The following ALOX5 variants were observed in gnomAD, a reference collection of about 807,000 sequenced individuals.
ALOX5 encodes arachidonate 5-lipoxygenase.
ALOX5 carries 64 observed loss-of-function variants against 87.9 expected under a neutral mutation model. The observed-to-expected ratio is 0.73, with a 90% CI of 0.60 to 0.90. ALOX5 has a LOEUF of 0.90. ALOX5 is among the 40% of genes least tolerant of loss of function. The pLI, the probability that ALOX5 is intolerant of heterozygous loss-of-function variation, is 0.00. For missense variants in ALOX5, 822 were observed against 907.5 expected (o/e 0.91, Z 1.21); for synonymous variants, 388 against 355.1 (o/e 1.09, Z -1.04).
At chr10:45,409,493 A>ATC (rs937244051) in intron 3 of ALOX5, among the ~76,000 whole-genome samples, 1 of 136,018 alleles carries the variant, frequency 7.4e-6, no homozygotes, top group Non-Finnish European at 1.6e-5. Flanking sequence ...TCCCCTTAGG[A>ATC]TCTCTCTGTC....
intron 4 of ALOX5, among the ~76,000 whole-genome samples, chr10:45,419,669 G>A (rs1250667986): frequency 6.6e-6 from 1 of 152,244 alleles, no homozygotes; most frequent in Non-Finnish European, 1.5e-5. Flanking sequence ...CGCTTGAGCC[G>A]GGGAGGTGGA....
intron 7 of ALOX5, among the ~76,000 whole-genome samples, chr10:45,429,514 C>A (rs560992440): frequency 6.6e-6 from 1 of 152,198 alleles, no homozygotes; most frequent in Non-Finnish European, 1.5e-5. Context: ...CTGCACAGTC[C>A]GCAATCCCTT....
intron 13 of ALOX5, 80 bp downstream of exon 13, chr10:45,444,366 G>A (rs999931712): frequency 1.4e-6 from 2 of 1,453,876 alleles, no homozygotes; most frequent in South Asian, 1.4e-5. Flanking sequence ...TTGTGACTCG[G>A]GCCCCAAGGC....
At position 45,418,831 on chromosome 10, in the gene ALOX5, T is replaced by C. The variant is rs146669856; in HGVS notation, c.555-5210T>C. Among the ~76,000 whole-genome samples, 731 of 152,282 alleles carry C rather than the reference T, an allele frequency of 4.8e-3. 5 individuals carry two copies. The highest frequency in any genetic ancestry group is 0.017 in the African/African-American group (696 of 41,568). Reference sequence around the variant, plus strand: ...TCGCTGTTTGCAGCCTGGAAGACGATTGCAGGGGGTGGCAGGGCTGAAAAG... The same window carrying C: ...TCGCTGTTTGCAGCCTGGAAGACGACTGCAGGGGGTGGCAGGGCTGAAAAG... On this transcript the variant is annotated intron_variant, in intron 4 of 13. Coordinates refer to ENST00000374391, the MANE Select transcript of ALOX5 (RefSeq NM_000698.5).
chr10:45,430,476 T>G (rs1841870870), intron 7 of ALOX5, among the ~76,000 whole-genome samples: 1 of 148,168 alleles, frequency 6.7e-6, no homozygotes, highest in Non-Finnish European at 1.5e-5. Context: ...ATAAAAAGAG[T>G]AATTATAGCC....
rs556437947 is a variant in ALOX5, at chr10:45,421,815, A to G, written c.555-2226A>G. ...TTCGACAGCTCCAGGGTGCTGTAGC[A>G]CTGAGCACCTACTGTATGCAGCCCA... is the stretch of plus-strand genomic sequence containing the variant. On this transcript the variant is annotated intron_variant, in intron 4 of 13. Transcript: ENST00000374391. 4.6e-5 allele frequency among the ~76,000 whole-genome samples: 7 copies of G among 152,334 alleles called. No individual in the cohort carries two copies. The South Asian group carries it at 1.4e-3, about 32-fold the overall frequency.
chr10:45,440,884 A>G (rs538895696), intron 8 of ALOX5, among the ~76,000 whole-genome samples: 2 of 152,312 alleles, frequency 1.3e-5, no homozygotes, highest in East Asian at 3.9e-4. Flanking sequence ...AGAGTTGGAA[A>G]AGGCAAATGA....
At chr10:45,378,152 C>T (rs188609809) in intron 1 of ALOX5, among the ~76,000 whole-genome samples, 3 of 151,898 alleles carry the variant, frequency 2.0e-5, no homozygotes, top group African/African-American at 7.2e-5. Flanking sequence ...GAAATCTGAT[C>T]AGCCCCTAAA....
chr10:45,374,481 C>G (rs886678480), intron 1 of ALOX5, 52 bp downstream of exon 1: 1 of 1,436,550 alleles, frequency 7.0e-7, no homozygotes, highest in Non-Finnish European at 9.2e-7. Flanking sequence ...CGTCCGGGAC[C>G]CGGTTTGGAC....
rs1650786267 is a variant in ALOX5, at chr10:45,445,824, T to C, written c.*137T>C. On this transcript the variant is annotated 3_prime_UTR_variant, in exon 14 of 14. Transcript: ENST00000374391. ...GGCCAGTACCTTTCCATTTATTCTT[T>C]GATCTTCAGGGAACTGCATAGATTG... is the stretch of plus-strand genomic sequence containing the variant. 28 of 966,262 alleles carry C rather than the reference T, an allele frequency of 2.9e-5. No homozygotes were observed. Among genetic ancestry groups the C allele is most frequent in the Non-Finnish European group, 3.4e-5 (22 of 652,390 alleles). The allele number at this position is 966,262 out of a possible 1,614,324, so 59.9% of individuals were successfully genotyped here.
At chr10:45,402,004 G>A (rs552867602) in intron 3 of ALOX5, among the ~76,000 whole-genome samples, 2 of 148,864 alleles carry the variant, frequency 1.3e-5, no homozygotes, top group South Asian at 2.1e-4. Context: ...AGAGAATGGC[G>A]TGAACCTGGG....
intron 4 of ALOX5, among the ~76,000 whole-genome samples, chr10:45,422,806 G>A (rs558203744): frequency 2.0e-5 from 3 of 152,282 alleles, no homozygotes; most frequent in African/African-American, 7.2e-5. Context: ...TGGCTTAAAC[G>A]GCAGATATTT....
At chr10:45,404,027 C>A (rs954984650) in intron 3 of ALOX5, among the ~76,000 whole-genome samples, 1 of 152,216 alleles carries the variant, frequency 6.6e-6, no homozygotes, top group Non-Finnish European at 1.5e-5. Context: ...ATTAGTGGGG[C>A]TCTAATTAGA....
At chr10:45,392,016 G>T (rs1208194977) in intron 2 of ALOX5, among the ~76,000 whole-genome samples, 1 of 151,352 alleles carries the variant, frequency 6.6e-6, no homozygotes, top group African/African-American at 2.4e-5. Context: ...CGCCCGGCCA[G>T]CCGCCCCGTC....
At chr10:45,378,167 G>A (rs537863917) in intron 1 of ALOX5, among the ~76,000 whole-genome samples, 1 of 149,142 alleles carries the variant, frequency 6.7e-6, no homozygotes, top group Non-Finnish European at 1.5e-5. Context: ...CCTAAAAGCT[G>A]CCTGAAATAC....
intron 11 of ALOX5, 51 bp from the exon 12 acceptor site, chr10:45,443,677 C>T: frequency 6.3e-7 from 1 of 1,593,742 alleles, no homozygotes; most frequent in Non-Finnish European, 8.5e-7. Context: ...GGGCGCCGGG[C>T]CCTGGGGTCC....
At chr10:45,412,149 G>A (rs753356554) in intron 3 of ALOX5, 42 bp from the exon 4 acceptor site, 2 of 1,613,214 alleles carry the variant, frequency 1.2e-6, no homozygotes, top group Non-Finnish European at 1.7e-6. Context: ...GCAGACCAAA[G>A]GCTGGCATTT....
intron 12 of ALOX5, 138 bp downstream of exon 12, chr10:45,443,966 G>A (rs1269946437): frequency 5.6e-6 from 8 of 1,433,390 alleles, no homozygotes; most frequent in African/African-American, 1.4e-5. Context: ...GATTCTGCCC[G>A]CTCAGCCAAG....
chr10:45,392,878 A>G (rs1840342669), intron 2 of ALOX5, among the ~76,000 whole-genome samples: 2 of 152,212 alleles, frequency 1.3e-5, no homozygotes, highest in Admixed American at 1.3e-4. Flanking sequence ...TCCTCGACAC[A>G]TACACCCTCC....
Sources: allele counts gnomAD v4.1 joint callset (sites outside exome capture counted in the v4.1 genomes callset), GRCh38; gene constraint gnomAD v4.1.1; transcripts MANE v1.5; gene names NCBI Gene and HGNC (gene_info 2026-07-23, HGNC 2026-07-21).